ZRANB3: variants seen among roughly 807,000 people sequenced by gnomAD.
The protein encoded by ZRANB3 is zinc finger RANBP2-type containing 3, also known as DNA annealing helicase and endonuclease ZRANB3.
ZRANB3 carries 125 observed loss-of-function variants against 133.8 expected under a neutral mutation model. The ratio of observed to expected loss-of-function variants is 0.93; its 90% CI spans 0.81 to 1.08. The LOEUF is 1.08. Among genes scored for constraint, ZRANB3 ranks in the 50% least tolerant of loss-of-function variants. ZRANB3 has a pLI of 0.00. For missense variants in ZRANB3, 1,229 were observed against 1,275.5 expected (o/e 0.96, Z 0.56); for synonymous variants, 387 against 432.7 (o/e 0.89, Z 1.31).
rs1558908119 is a variant in ZRANB3, at chr2:135,312,173, TTTTA to T, written c.966+1312_966+1315del. On this transcript the variant is annotated intron_variant, in intron 8 of 20. Coordinates refer to ENST00000264159, the MANE Select transcript of ZRANB3 (RefSeq NM_032143.4). Reference sequence around the variant, plus strand: ...TTTATTTTATTTTTATTTTATTTTATTTTATTTTATTTTATTTTTATTTTATTTT... The same window carrying T: ...TTTATTTTATTTTTATTTTATTTTATTTTTATTTTATTTTTATTTTATTTT... Among the ~76,000 whole-genome samples the T allele has an allele frequency of 8.8e-3, 1,251 of 142,862 alleles. 16 individuals are homozygous for T. The highest frequency in any genetic ancestry group is 0.042 in the South Asian group (189 of 4,540). 93.7% of individuals were successfully genotyped at this position (142,862 alleles called of 152,430 possible). A position where few individuals can be genotyped will look rare whatever the true frequency, so the allele number is the denominator to read the frequency against.
In ZRANB3 at chr2:135,205,058, A is replaced by G. The variant is rs546765817; in HGVS notation, c.3010-2095T>C. Among the ~76,000 whole-genome samples, 233 of 152,174 alleles carry G rather than the reference A, an allele frequency of 1.5e-3. 3 individuals are homozygous for G. Among genetic ancestry groups the G allele is most frequent in the Non-Finnish European group, 2.4e-3 (160 of 68,022 alleles). On this transcript the variant is annotated intron_variant, in intron 19 of 20. Coordinates refer to ENST00000264159, the MANE Select transcript of ZRANB3 (RefSeq NM_032143.4). ...CCAAAAGATCTTTCAGGAACTCTGG[A>G]TATCATTAGAGAAATAGTGTATTTC... is the stretch of plus-strand genomic sequence containing the variant.
chr2:135,520,082 C>CTT (rs60682356), intron 1 of ZRANB3, among the ~76,000 whole-genome samples: 1 of 143,604 alleles, frequency 7.0e-6, no homozygotes, highest in Non-Finnish European at 1.5e-5. Flanking sequence ...CACTTAAATT[C>CTT]TTTTTTTTTT....
intron 8 of ZRANB3, among the ~76,000 whole-genome samples, chr2:135,288,560 T>C (rs956640029): frequency 3.3e-5 from 5 of 152,162 alleles, no homozygotes; most frequent in Non-Finnish European, 7.3e-5. Flanking sequence ...TGGCAATTTT[T>C]AAATTACCAT....
At chr2:135,300,534 T>C (rs1682377482) in intron 8 of ZRANB3, among the ~76,000 whole-genome samples, 1 of 152,218 alleles carries the variant, frequency 6.6e-6, no homozygotes, top group African/African-American at 2.4e-5. Flanking sequence ...GCACAGATTA[T>C]GCTTAATGGG....
At chr2:135,353,219 C>A (rs370459457) in intron 4 of ZRANB3, 2 of 240,002 alleles carry the variant, frequency 8.3e-6, no homozygotes, top group East Asian at 8.5e-5. Context: ...TAAAAGTATA[C>A]GTATTTTACA....
chr2:135,331,290 C>T (rs1055613243), intron 6 of ZRANB3, among the ~76,000 whole-genome samples: 2 of 152,016 alleles, frequency 1.3e-5, no homozygotes, highest in Non-Finnish European at 2.9e-5. Context: ...TCAAAGAACA[C>T]CTTTATTTCT....
intron 9 of ZRANB3, 45 bp from the exon 10 acceptor site, chr2:135,271,932 G>A (rs1573802053): frequency 1.3e-6 from 2 of 1,537,700 alleles, no homozygotes; most frequent in Non-Finnish European, 1.7e-6. Flanking sequence ...AAGGCCCTAT[G>A]TACCCATCTC....
chr2:135,320,577 C>A (rs1279265943), intron 6 of ZRANB3, among the ~76,000 whole-genome samples: 1 of 152,076 alleles, frequency 6.6e-6, no homozygotes, highest in East Asian at 1.9e-4. Context: ...AAACATACGC[C>A]TTTTAATCTC....
At chr2:135,310,697 C>T (rs542744846) in intron 8 of ZRANB3, among the ~76,000 whole-genome samples, 44 of 151,658 alleles carry the variant, frequency 2.9e-4, no homozygotes, top group Middle Eastern at 6.8e-3. Flanking sequence ...ATATGAAAAA[C>T]CAAAGGACCT....
intron 2 of ZRANB3, among the ~76,000 whole-genome samples, chr2:135,457,014 C>T (rs1690550439): frequency 6.6e-6 from 1 of 152,182 alleles, no homozygotes; most frequent in Admixed American, 6.5e-5. Flanking sequence ...TTAATGTATT[C>T]ACAAAGTTGT....
intron 8 of ZRANB3, among the ~76,000 whole-genome samples, chr2:135,286,813 G>T (rs1681395540): frequency 6.6e-6 from 1 of 151,984 alleles, no homozygotes. Context: ...GTAGATTCTG[G>T]CTATTAGTCC....
chr2:135,285,391 G>A (rs575479254), intron 8 of ZRANB3, among the ~76,000 whole-genome samples: 1 of 152,284 alleles, frequency 6.6e-6, no homozygotes, highest in South Asian at 2.1e-4. Flanking sequence ...AGGAGGCAGA[G>A]TGTCCCCAAT....
rs951341738 is a variant in ZRANB3, at chr2:135,398,868, A to T, written c.162-8048T>A. Among the ~76,000 whole-genome samples the T allele has an allele frequency of 3.3e-5, 5 of 152,102 alleles. No homozygotes were observed. The East Asian group carries it at 9.6e-4, about 29-fold the overall frequency. ...ATCAGTTCTCCTTGGATTTCTGTGT[A>T]AACTGGGTTTTCATATACCTATCCA... On this transcript the variant is annotated intron_variant, in intron 2 of 20. Coordinates refer to ENST00000264159, the MANE Select transcript of ZRANB3 (RefSeq NM_032143.4).
intron 6 of ZRANB3, among the ~76,000 whole-genome samples, chr2:135,326,718 G>A (rs576949130): frequency 2.0e-5 from 3 of 151,708 alleles, no homozygotes; most frequent in Admixed American, 1.3e-4. Flanking sequence ...TGGCCAACAC[G>A]GTGAAACCCC....
chr2:135,387,884 T>C (rs1451194899), intron 3 of ZRANB3, among the ~76,000 whole-genome samples: 1 of 152,210 alleles, frequency 6.6e-6, no homozygotes, highest in Non-Finnish European at 1.5e-5. Context: ...GAAAAGTGAT[T>C]TGTATAACGG....
At chr2:135,468,453 T>A (rs2105024404) in intron 2 of ZRANB3, among the ~76,000 whole-genome samples, 1 of 152,306 alleles carries the variant, frequency 6.6e-6, no homozygotes, top group African/African-American at 2.4e-5. Flanking sequence ...CTCTATGTAT[T>A]TTCAACACAC....
intron 1 of ZRANB3, among the ~76,000 whole-genome samples, chr2:135,522,809 G>A (rs1694003794): frequency 6.6e-6 from 1 of 152,158 alleles, no homozygotes; most frequent in Non-Finnish European, 1.5e-5. Context: ...AGTAAAAACA[G>A]GCCAAGTCAA....
At chr2:135,202,086 T>C (rs530959075) in intron 20 of ZRANB3, among the ~76,000 whole-genome samples, 2 of 152,200 alleles carry the variant, frequency 1.3e-5, no homozygotes, top group Non-Finnish European at 2.9e-5. Context: ...TTAATCAGTA[T>C]GGGAATGGTT....
chr2:135,480,779 A>C (rs1380089293), intron 2 of ZRANB3, among the ~76,000 whole-genome samples: 2 of 100,472 alleles, frequency 2.0e-5, no homozygotes, highest in Non-Finnish European at 3.6e-5. Flanking sequence ...CCCACCCGAC[A>C]ACAGTCCCCA....
Sources: gnomAD v4.1 joint callset for allele counts (sites outside exome capture counted in the v4.1 genomes callset) on GRCh38, gnomAD v4.1.1 for gene constraint, MANE v1.5 for transcripts, NCBI Gene and HGNC (gene_info 2026-07-23, HGNC 2026-07-21) for gene names.